The following ETS1 variants were observed in gnomAD, a reference collection of about 807,000 sequenced individuals.
The protein encoded by ETS1 is ETS proto-oncogene 1, transcription factor.
ETS1 carries 15 observed loss-of-function variants against 58.6 expected under a neutral mutation model. The observed-to-expected ratio is 0.26, with a 90% CI of 0.17 to 0.39. ETS1 has a LOEUF of 0.39. Among genes scored for constraint, ETS1 ranks in the 10% least tolerant of loss-of-function variants. ETS1 has a pLI of 1.00. For synonymous variants in ETS1, 214 were observed against 218.2 expected (o/e 0.98, Z 0.17); for missense variants, 417 against 610.5 (o/e 0.68, Z 3.34).
intron 1 of ETS1, among the ~76,000 whole-genome samples, chr11:128,580,796 A>G (rs1309245449): frequency 6.6e-6 from 1 of 152,204 alleles, no homozygotes; most frequent in Non-Finnish European, 1.5e-5. Flanking sequence ...TTGTTTCTTC[A>G]CAACTTCACT....
chr11:128,575,129 G>A (rs1291901365), intron 1 of ETS1, among the ~76,000 whole-genome samples: 3 of 152,142 alleles, frequency 2.0e-5, no homozygotes, highest in Non-Finnish European at 1.5e-5. Flanking sequence ...CCCTCCAGTG[G>A]AGGCCTGAAA....
In ETS1 at chr11:128,463,441, G is replaced by A; in HGVS notation, c.1242+68C>T. 28 of 929,160 alleles carry A rather than the reference G, an allele frequency of 3.0e-5. No homozygotes were observed. In the South Asian group the frequency reaches 3.3e-4, roughly 11 times the overall value. 57.6% of individuals were successfully genotyped at this position (929,160 alleles called of 1,614,324 possible). A position where few individuals can be genotyped will look rare whatever the true frequency, so the allele number is the denominator to read the frequency against. ...CCTGGAACACGTCATTCAGGCCCAC[G>A]CCACCCCTTCCAGGAGTTTTCTCTC... On this transcript the variant is annotated intron_variant, in intron 9 of 9. Coordinates refer to ENST00000392668, the MANE Select transcript of ETS1 (RefSeq NM_001143820.2). The surrounding 1 kb of genome is among the most constrained non-coding windows in gnomAD (Gnocchi z 4.1).
intron 3 of ETS1, among the ~76,000 whole-genome samples, chr11:128,550,133 C>A (rs2135551747): frequency 6.6e-6 from 1 of 152,280 alleles, no homozygotes. Context: ...GCTCAGTGGA[C>A]TTAGCCAAGG....
chr11:128,490,375 G>T, intron 4 of ETS1, 82 bp downstream of exon 4: 1 of 1,457,012 alleles, frequency 6.9e-7, no homozygotes, highest in Non-Finnish European at 9.5e-7. Context: ...TGTAACGTCT[G>T]CCTCACACAC....
At chr11:128,537,718 T>G (rs1051416319) in intron 3 of ETS1, among the ~76,000 whole-genome samples, 3 of 152,164 alleles carry the variant, frequency 2.0e-5, no homozygotes, top group African/African-American at 7.2e-5. Context: ...TTTTTACCAC[T>G]TATACGTGTA....
intron 2 of ETS1, among the ~76,000 whole-genome samples, chr11:128,558,164 G>A (rs1177921112): frequency 1.3e-5 from 2 of 152,248 alleles, no homozygotes; most frequent in African/African-American, 2.4e-5. Context: ...TACTGAGGAT[G>A]TAAGTGGGAC....
intron 3 of ETS1, among the ~76,000 whole-genome samples, chr11:128,504,614 G>A (rs546629188): frequency 6.6e-6 from 1 of 152,164 alleles, no homozygotes; most frequent in South Asian, 2.1e-4. Flanking sequence ...TTTTACTGGT[G>A]GGTAAAATGA....
chr11:128,515,612 T>G (rs1478124848), intron 3 of ETS1, among the ~76,000 whole-genome samples: 1 of 152,180 alleles, frequency 6.6e-6, no homozygotes, highest in African/African-American at 2.4e-5. Context: ...GTGGCCCTCA[T>G]CTGTGGGGAG....
chr11:128,525,247 G>A (rs1310234460), intron 3 of ETS1, among the ~76,000 whole-genome samples: 1 of 152,080 alleles, frequency 6.6e-6, no homozygotes, highest in Non-Finnish European at 1.5e-5. Flanking sequence ...GAAGAGTGGA[G>A]CTAGACAATA....
chr11:128,548,132 A>AAGGAAAGGGAAGGGAAGGGAAGGG lies in ETS1; in HGVS notation c.214+8158_214+8159insCCCTTCCCTTCCCTTCCCTTTCCT, dbSNP rs1864161580. 2.3e-3 allele frequency among the ~76,000 whole-genome samples: 193 copies of AAGGAAAGGGAAGGGAAGGGAAGGG among 84,038 alleles called. 2 individuals are homozygous for AAGGAAAGGGAAGGGAAGGGAAGGG. The highest frequency in any genetic ancestry group is 0.011 in the African/African-American group (180 of 16,622). The allele number at this position is 84,038 out of a possible 152,430, so 55.1% of individuals were successfully genotyped here. On this transcript the variant is annotated intron_variant, in intron 3 of 9. Coordinates refer to ENST00000392668, the MANE Select transcript of ETS1 (RefSeq NM_001143820.2). Reference sequence around the variant, plus strand: ...AAAGGGAAGGAAAGGAAAGGAAAGGAAAGGGAAGGGAAGGGAAGGGAAGGA... The same window carrying AAGGAAAGGGAAGGGAAGGGAAGGG: ...AAAGGGAAGGAAAGGAAAGGAAAGGAAGGAAAGGGAAGGGAAGGGAAGGGAAGGGAAGGGAAGGGAAGGGAAGGA...
At chr11:128,501,720 G>A (rs1430193604) in intron 3 of ETS1, among the ~76,000 whole-genome samples, 5 of 152,062 alleles carry the variant, frequency 3.3e-5, no homozygotes, top group Non-Finnish European at 7.4e-5. Flanking sequence ...AGACCCGTTG[G>A]GTATAGTTGC....
In ETS1 at chr11:128,462,420, C is replaced by T; in HGVS notation, c.1399G>A (p.Gly467Arg). ...RFVCDLQSLL[G>R]YTPEELHAML... ...GCGTGCAGCTCCTCAGGGGTGTACC[C>T]CAGCAGGCTCTGCAGGTCACACACA... Residue 467 changes from glycine to arginine, a missense_variant, in exon 10 of 10, where the codon GGG (glycine) becomes AGG (arginine). Gly to Arg is a moderately radical substitution (Grantham distance 125). Transcript: ENST00000392668. 6.2e-7 allele frequency: 1 copy of T among 1,614,216 alleles called. No individual in the cohort carries two copies.
In ETS1 at chr11:128,480,256, C is replaced by T. The variant is rs1174010021; in HGVS notation, c.1058G>A (p.Arg353Gln). The T allele has an allele frequency of 8.1e-6, 13 of 1,613,928 alleles. No individual in the cohort carries two copies. Among genetic ancestry groups the T allele is most frequent in the Admixed American group, 3.3e-5 (2 of 59,994 alleles). The change falls in exon 8 of 10, where the codon CGG becomes CAG. Residue 353 changes from arginine to glutamine, a missense_variant. Arg to Gln is a conservative substitution (Grantham distance 43, BLOSUM62 1). Around this residue, in one of 4 missense-constraint regions of ETS1, gnomAD observed 139 missense variants for 152.1 expected, o/e 0.91. Transcript: ENST00000392668. ...KPKGTFKDYV[R>Q]DRADLNKDKP... The stretch of plus-strand genomic sequence containing the variant: ...GTCCTTATTGAGGTCAGCACGGTCC[C>T]GCACATAGTCCTTGAAGGTGCCCTT...
chr11:128,507,464 C>T (rs1180413529), intron 3 of ETS1, among the ~76,000 whole-genome samples: 1 of 152,198 alleles, frequency 6.6e-6, no homozygotes, highest in Admixed American at 6.5e-5. Flanking sequence ...TTATAATATA[C>T]TGAATTAGTC....
intron 3 of ETS1, 59 bp downstream of exon 3, chr11:128,556,232 T>C: frequency 2.8e-6 from 4 of 1,445,652 alleles, no homozygotes; most frequent in Non-Finnish European, 3.8e-6. Context: ...GCAGCCCTCA[T>C]CACATTTCCA....
intron 1 of ETS1, among the ~76,000 whole-genome samples, chr11:128,578,566 CAGAT>C (rs1336148478): frequency 6.6e-6 from 1 of 152,036 alleles, no homozygotes; most frequent in African/African-American, 2.4e-5. Context: ...AAAAAAGTAA[CAGAT>C]GGATATTAGA....
intron 2 of ETS1, among the ~76,000 whole-genome samples, chr11:128,560,930 T>C (rs1864396107): frequency 6.6e-6 from 1 of 151,844 alleles, no homozygotes; most frequent in African/African-American, 2.4e-5. Context: ...TTGAGTAAGA[T>C]TTGCCCTGAA....
chr11:128,486,011 A>G (rs1862620973), intron 6 of ETS1, 58 bp downstream of exon 6: 4 of 983,020 alleles, frequency 4.1e-6, no homozygotes, highest in Non-Finnish European at 6.6e-6. Context: ...TCACTGAGAT[A>G]GGGGTCTTTT....
chr11:128,541,211 T>C (rs1864053532), intron 3 of ETS1, among the ~76,000 whole-genome samples: 1 of 152,176 alleles, frequency 6.6e-6, no homozygotes, highest in Non-Finnish European at 1.5e-5. Context: ...TTGCGTGATG[T>C]TCCTTGAGGA....
Sources: gnomAD v4.1 joint callset for allele counts (sites outside exome capture counted in the v4.1 genomes callset) on GRCh38, gnomAD v4.1.1 for gene constraint, gnomAD v4.1.1 regional missense constraint, Gnocchi (gnomAD v3.1) non-coding constraint, MANE v1.5 for transcripts, NCBI Gene and HGNC (gene_info 2026-07-23, HGNC 2026-07-21) for gene names.